Variants in LHFPL3 observed in about 807,000 individuals in gnomAD.
LHFPL3 encodes LHFPL tetraspan subfamily member 3 protein.
A neutral mutation model predicts 19.3 loss-of-function variants in LHFPL3; 5 were observed. The ratio of observed to expected loss-of-function variants is 0.26; its 90% CI spans 0.14 to 0.54. The LOEUF is 0.54. Ranked by LOEUF, LHFPL3 falls within the 20% of genes least tolerant of loss-of-function variation. LHFPL3 has a pLI of 0.94. For synonymous variants in LHFPL3, 133 were observed against 126.2 expected, an observed-to-expected ratio of 1.05 and a Z score of -0.36; for missense variants, 249 against 307.4, an observed-to-expected ratio of 0.81 and a Z score of 1.42.
intron 1 of LHFPL3, among the ~76,000 whole-genome samples, chr7:104,729,412 T>C (rs1250527228): frequency 6.6e-6 from 1 of 152,146 alleles, no homozygotes; most frequent in Admixed American, 6.6e-5. Context: ...TTGAAATGTA[T>C]AATATAATGT....
At chr7:104,769,534 G>A (rs965640623) in intron 2 of LHFPL3, among the ~76,000 whole-genome samples, 3 of 152,220 alleles carry the variant, frequency 2.0e-5, no homozygotes, top group South Asian at 2.1e-4. Flanking sequence ...AGGTATACAC[G>A]TGCCATGGTG....
intron 1 of LHFPL3, among the ~76,000 whole-genome samples, chr7:104,362,356 C>T (rs1790402296): frequency 6.6e-6 from 1 of 152,150 alleles, no homozygotes; most frequent in Admixed American, 6.5e-5. Context: ...AAACTCATTA[C>T]ATCATAAAAA....
intron 1 of LHFPL3, among the ~76,000 whole-genome samples, chr7:104,574,074 A>G (rs1245773926): frequency 6.6e-6 from 1 of 152,200 alleles, no homozygotes; most frequent in Non-Finnish European, 1.5e-5. Context: ...ATACAAGTGG[A>G]CTCAAGAATT....
intron 1 of LHFPL3, among the ~76,000 whole-genome samples, chr7:104,362,322 C>A (rs1321858231): frequency 6.6e-6 from 1 of 152,186 alleles, no homozygotes; most frequent in Non-Finnish European, 1.5e-5. Flanking sequence ...TCAGACCGTC[C>A]TTCTGAAGGA....
intron 1 of LHFPL3, among the ~76,000 whole-genome samples, chr7:104,727,607 G>A (rs943721068): frequency 2.0e-5 from 3 of 152,182 alleles, no homozygotes; most frequent in African/African-American, 7.2e-5. Flanking sequence ...AAAGTGCAGA[G>A]ACAGGCAATA....
At chr7:104,558,679 T>C (rs1319567855) in intron 1 of LHFPL3, among the ~76,000 whole-genome samples, 1 of 150,992 alleles carries the variant, frequency 6.6e-6, no homozygotes, top group East Asian at 1.9e-4. Flanking sequence ...AGCTCTTTAG[T>C]TTAATTAGAT....
At chr7:104,444,861 G>A (rs1286098661) in intron 1 of LHFPL3, among the ~76,000 whole-genome samples, 1 of 152,058 alleles carries the variant, frequency 6.6e-6, no homozygotes, top group African/African-American at 2.4e-5. Flanking sequence ...GATGGCGCAT[G>A]TCTGTAATCC....
rs915569600 is a variant in LHFPL3, at chr7:104,359,887, A to G, written c.445+30663A>G. On this transcript the variant is annotated intron_variant, in intron 1 of 2. Coordinates refer to ENST00000424859, the MANE Select transcript of LHFPL3 (RefSeq NM_199000.3). ...GAGTGTGACATTGTATGTTGGATGTATAAGATGTGCTAAATACTTCATAGA... is the reference window on the plus strand; with the variant it reads ...GAGTGTGACATTGTATGTTGGATGTGTAAGATGTGCTAAATACTTCATAGA... 2.0e-5 allele frequency among the ~76,000 whole-genome samples: 3 copies of G among 152,274 alleles called. No homozygotes were observed. In the East Asian group the frequency reaches 5.8e-4, roughly 29 times the overall value.
chr7:104,383,310 C>G (rs1790867233), intron 1 of LHFPL3, among the ~76,000 whole-genome samples: 1 of 152,182 alleles, frequency 6.6e-6, no homozygotes, highest in South Asian at 2.1e-4. Context: ...GGGTCTTGGG[C>G]CACAAGGACC....
At chr7:104,776,431 A>C (rs941159844) in intron 2 of LHFPL3, among the ~76,000 whole-genome samples, 3 of 152,142 alleles carry the variant, frequency 2.0e-5, no homozygotes, top group Admixed American at 2.0e-4. Context: ...ATTGTAGTCA[A>C]GGCACCAGAA....
At chr7:104,800,573 A>G (rs933163938) in intron 2 of LHFPL3, among the ~76,000 whole-genome samples, 2 of 152,174 alleles carry the variant, frequency 1.3e-5, no homozygotes, top group African/African-American at 4.8e-5. Context: ...TGTCAAATGC[A>G]GGATGTCTTG....
intron 1 of LHFPL3, among the ~76,000 whole-genome samples, chr7:104,430,760 G>A (rs1001818034): frequency 2.6e-5 from 4 of 151,626 alleles, no homozygotes; most frequent in African/African-American, 7.3e-5. Flanking sequence ...GAGCCACTGC[G>A]CCCGGCCCTT....
At chr7:104,534,158 A>C (rs1029674713) in intron 1 of LHFPL3, among the ~76,000 whole-genome samples, 1 of 152,200 alleles carries the variant, frequency 6.6e-6, no homozygotes, top group Non-Finnish European at 1.5e-5. Context: ...CCTGGCAGCC[A>C]GATTATTTGT....
chr7:104,804,784 T>A (rs932584357), intron 2 of LHFPL3, among the ~76,000 whole-genome samples: 3 of 152,176 alleles, frequency 2.0e-5, no homozygotes, highest in Non-Finnish European at 4.4e-5. Flanking sequence ...AGTCAGGCTT[T>A]CAGATGAGAA....
intron 1 of LHFPL3, among the ~76,000 whole-genome samples, chr7:104,573,806 GC>G (rs1390387536): frequency 7.9e-5 from 12 of 152,190 alleles, no homozygotes; most frequent in Admixed American, 2.0e-4. Flanking sequence ...TGGTCGCAAT[GC>G]TTTGCTTTGC....
chr7:104,359,056 C>A (rs1012757256), intron 1 of LHFPL3, among the ~76,000 whole-genome samples: 3 of 152,164 alleles, frequency 2.0e-5, no homozygotes, highest in Admixed American at 2.0e-4. Context: ...ATAGACCTTC[C>A]CCTGGATGAG....
chr7:104,665,371 G>A (rs1792311706), intron 1 of LHFPL3, among the ~76,000 whole-genome samples: 1 of 152,178 alleles, frequency 6.6e-6, no homozygotes, highest in Non-Finnish European at 1.5e-5. Context: ...CTTCAGAAGA[G>A]GAGGATAATA....
Position 104,701,483 on chromosome 7 carries a change from AAAATTAT to A in LHFPL3, c.446-35189_446-35183del, listed in dbSNP as rs553135810. Among the ~76,000 whole-genome samples, 23 of 152,346 alleles carry A rather than the reference AAAATTAT, an allele frequency of 1.5e-4. 1 individual carries two copies. The East Asian group carries it at 2.9e-3, about 19-fold the overall frequency. ...ACTAGAGAAAGAAAATATTATTTAA[AAAATTAT>A]AAGGAAGAGAAAATATATTTACTAT... On this transcript the variant is annotated intron_variant, in intron 1 of 2. Transcript: ENST00000424859.
intron 1 of LHFPL3, among the ~76,000 whole-genome samples, chr7:104,674,514 G>T (rs1241337764): frequency 6.6e-6 from 1 of 151,882 alleles, no homozygotes; most frequent in African/African-American, 2.4e-5. Flanking sequence ...GATTAGAGGT[G>T]CCTGCCACCA....
Sources: allele counts gnomAD v4.1 joint callset (sites outside exome capture counted in the v4.1 genomes callset), GRCh38; gene constraint gnomAD v4.1.1; transcripts MANE v1.5; gene names NCBI Gene and HGNC (gene_info 2026-07-23, HGNC 2026-07-21).